CPNE4: variants seen among roughly 807,000 people sequenced by gnomAD.
The protein encoded by CPNE4 is copine-4.
CPNE4 carries 25 observed loss-of-function variants against 67.9 expected under a neutral mutation model. The observed-to-expected ratio is 0.37, with a 90% CI of 0.27 to 0.51. The LOEUF is 0.51. Ranked by LOEUF, CPNE4 falls within the 20% of genes least tolerant of loss-of-function variation. The probability of loss-of-function intolerance (pLI) is 0.93; values close to 1 mark genes in which losing one functional copy is unlikely to be tolerated. For synonymous variants in CPNE4, 242 were observed against 244.9 expected, an observed-to-expected ratio of 0.99 and a Z score of 0.11; for missense variants, 464 against 690.8, an observed-to-expected ratio of 0.67 and a Z score of 3.68.
chr3:131,917,689 A>C (rs537764183), intron 1 of CPNE4, among the ~76,000 whole-genome samples: 1 of 152,304 alleles, frequency 6.6e-6, no homozygotes, highest in Admixed American at 6.5e-5. Flanking sequence ...GAATAGATAG[A>C]AAAAGAAAGA....
intron 1 of CPNE4, among the ~76,000 whole-genome samples, chr3:132,022,467 T>C (rs1560801118): frequency 6.6e-6 from 1 of 151,852 alleles, no homozygotes; most frequent in Non-Finnish European, 1.5e-5. Context: ...TGATGTTGCA[T>C]AAAAAAACAG....
At chr3:131,945,444 C>G (rs1164041392) in intron 1 of CPNE4, among the ~76,000 whole-genome samples, 2 of 152,196 alleles carry the variant, frequency 1.3e-5, no homozygotes, top group Non-Finnish European at 2.9e-5. Flanking sequence ...CTCAGAGCTG[C>G]TCTCAGCCAA....
intron 5 of CPNE4, among the ~76,000 whole-genome samples, chr3:131,693,233 A>C (rs995953306): frequency 6.6e-6 from 1 of 152,170 alleles, no homozygotes; most frequent in African/African-American, 2.4e-5. Context: ...AGGGGTTCTC[A>C]AACTTTTGGT....
intron 1 of CPNE4, among the ~76,000 whole-genome samples, chr3:131,971,237 C>T (rs949201520): frequency 6.6e-6 from 1 of 152,088 alleles, no homozygotes; most frequent in Non-Finnish European, 1.5e-5. Flanking sequence ...GTTAAAGTTC[C>T]CAGAGAGAAT....
intron 2 of CPNE4, among the ~76,000 whole-genome samples, chr3:131,756,043 C>G (rs1027975125): frequency 6.6e-6 from 1 of 152,082 alleles, no homozygotes; most frequent in Non-Finnish European, 1.5e-5. Context: ...CAGTGCACAT[C>G]ATGCCAAGTG....
intron 1 of CPNE4, among the ~76,000 whole-genome samples, chr3:131,925,157 TTCTCTCTC>T (rs35525721): frequency 2.0e-5 from 3 of 147,164 alleles, no homozygotes; most frequent in East Asian, 4.0e-4. Flanking sequence ...TGTTCTCATA[TTCTCTCTC>T]TCTCTCTCTC....
intron 3 of CPNE4, among the ~76,000 whole-genome samples, chr3:131,708,248 GGAA>G (rs34888461): frequency 0.08 from 12,111 of 152,082 alleles, 645 homozygotes; most frequent in Non-Finnish European, 0.11. Flanking sequence ...CTGGCTCCTG[GGAA>G]GAAGAAGGAG....
intron 1 of CPNE4, chr3:132,017,589 C>T (rs1200044344): frequency 6.6e-6 from 1 of 152,130 alleles, no homozygotes; most frequent in Non-Finnish European, 1.5e-5. Context: ...GTATGTGAAC[C>T]ACATTCACTC....
chr3:131,794,258 A>C (rs960229484), intron 2 of CPNE4, among the ~76,000 whole-genome samples: 1 of 126,694 alleles, frequency 7.9e-6, no homozygotes, highest in African/African-American at 3.3e-5. Context: ...TTTTTTTTTT[A>C]GATGGAGTCT....
chr3:131,637,522 C>T (rs984850474), intron 7 of CPNE4, among the ~76,000 whole-genome samples: 4 of 152,138 alleles, frequency 2.6e-5, no homozygotes, highest in African/African-American at 9.7e-5. Flanking sequence ...ATGAACAAAG[C>T]CTCCAATAAG....
At chr3:131,754,870 A>G (rs2082716327) in intron 2 of CPNE4, among the ~76,000 whole-genome samples, 1 of 152,162 alleles carries the variant, frequency 6.6e-6, no homozygotes, top group Non-Finnish European at 1.5e-5. Context: ...GTTAAATACT[A>G]TCTTTAAGTA....
intron 10 of CPNE4, among the ~76,000 whole-genome samples, chr3:131,566,092 C>T (rs1206250995): frequency 1.3e-5 from 2 of 151,860 alleles, no homozygotes; most frequent in Non-Finnish European, 2.9e-5. Flanking sequence ...CGCCATCATA[C>T]ATCCAGGAGA....
chr3:131,757,948 C>T (rs576239194), intron 2 of CPNE4, among the ~76,000 whole-genome samples: 43 of 152,218 alleles, frequency 2.8e-4, no homozygotes, highest in Non-Finnish European at 5.9e-4. Flanking sequence ...AAGTCAAGAA[C>T]TGAGGTTTGG....
chr3:131,864,439 T>A (rs893698870), intron 2 of CPNE4, among the ~76,000 whole-genome samples: 14 of 152,202 alleles, frequency 9.2e-5, no homozygotes, highest in African/African-American at 2.9e-4. Flanking sequence ...GTAAGTTGGA[T>A]TCCTAGTTAT....
At chr3:131,930,115 T>A (rs1241800254) in intron 1 of CPNE4, among the ~76,000 whole-genome samples, 1 of 152,198 alleles carries the variant, frequency 6.6e-6, no homozygotes, top group Non-Finnish European at 1.5e-5. Context: ...CACTTTCCAA[T>A]GGTTGTTAAC....
intron 1 of CPNE4, among the ~76,000 whole-genome samples, chr3:131,958,449 G>A (rs1175800849): frequency 1.3e-5 from 2 of 151,996 alleles, no homozygotes; most frequent in African/African-American, 4.8e-5. Flanking sequence ...AGCCCAGGAA[G>A]CTGTTTCAGC....
chr3:131,977,536 C>T (rs1330727827), intron 1 of CPNE4, among the ~76,000 whole-genome samples: 1 of 152,002 alleles, frequency 6.6e-6, no homozygotes, highest in Admixed American at 6.6e-5. Context: ...AGCCACCTCC[C>T]ATACCATGCA....
intron 7 of CPNE4, among the ~76,000 whole-genome samples, chr3:131,652,473 A>C (rs73216438): frequency 1.3e-5 from 2 of 152,308 alleles, no homozygotes; most frequent in Non-Finnish European, 2.9e-5. Context: ...AATTATTTCC[A>C]TTTTGAATTT....
At chr3:131,666,386 G>A (rs1270503263) in intron 7 of CPNE4, among the ~76,000 whole-genome samples, 1 of 152,048 alleles carries the variant, frequency 6.6e-6, no homozygotes, top group East Asian at 1.9e-4. Context: ...ATGATTTTGA[G>A]AGACATTAAA....
Sources: gnomAD v4.1 joint callset for allele counts (sites outside exome capture counted in the v4.1 genomes callset) on GRCh38, gnomAD v4.1.1 for gene constraint, MANE v1.5 for transcripts, NCBI Gene and HGNC (gene_info 2026-07-23, HGNC 2026-07-21) for gene names.